The following ADCY8 variants were observed in gnomAD, a reference collection of about 807,000 sequenced individuals.
ADCY8 encodes the protein adenylate cyclase type 8.
ADCY8 carries 51 observed loss-of-function variants against 119.7 expected under a neutral mutation model. The ratio of observed to expected loss-of-function variants is 0.43; its 90% CI spans 0.34 to 0.54. The LOEUF (loss-of-function observed/expected upper bound fraction) is 0.54. Among genes scored for constraint, ADCY8 ranks in the 20% least tolerant of loss-of-function variants. ADCY8 has a pLI of 0.03. For synonymous variants in ADCY8, 665 were observed against 651.0 expected (o/e 1.02, Z -0.33); for missense variants, 1,383 against 1,598.8 (o/e 0.87, Z 2.30).
intron 9 of ADCY8, among the ~76,000 whole-genome samples, chr8:130,859,787 C>A (rs895580912): frequency 6.6e-5 from 10 of 152,192 alleles, no homozygotes; most frequent in Admixed American, 6.5e-4. Context: ...TGCTGGACTT[C>A]ATCTCTTTTA....
chr8:130,831,524 G>C (rs541513720), intron 12 of ADCY8, among the ~76,000 whole-genome samples: 6 of 152,292 alleles, frequency 3.9e-5, no homozygotes, highest in Non-Finnish European at 7.4e-5. Flanking sequence ...ATCATTCAGG[G>C]AGATGGACAT....
chr8:130,875,100 G>A (rs1455180065), intron 8 of ADCY8, among the ~76,000 whole-genome samples: 1 of 152,124 alleles, frequency 6.6e-6, no homozygotes, highest in Non-Finnish European at 1.5e-5. Flanking sequence ...TAATTGATCT[G>A]ATTAAAAAAT....
chr8:130,848,327 G>C (rs911279960), intron 10 of ADCY8, among the ~76,000 whole-genome samples: 5 of 152,174 alleles, frequency 3.3e-5, no homozygotes, highest in Admixed American at 1.3e-4. Context: ...TATCTAATTT[G>C]TTATCAAGAC....
Position 130,990,482 on chromosome 8 carries a change from G to A in ADCY8, c.1021C>T (p.Leu341=). Residue 341 remains leucine, a synonymous_variant, in exon 2 of 18, where the codon CTG becomes TTG. Transcript: ENST00000286355. ...GCTTGGCGCTGGGCCCGGTCTGACA[G>A]GTAACTGATGAAGATTCCAGCTGTG... The part of the protein sequence containing the change: ...MNTAGIFISY[L]SDRAQRQAFL... 5 of 1,614,194 alleles carry A rather than the reference G, an allele frequency of 3.1e-6. No homozygotes were observed. The highest frequency in any genetic ancestry group is 4.2e-6 in the Non-Finnish European group (5 of 1,180,008).
chr8:130,799,766 G>C (rs1314417218), intron 15 of ADCY8, among the ~76,000 whole-genome samples: 1 of 152,216 alleles, frequency 6.6e-6, no homozygotes, highest in East Asian at 1.9e-4. Flanking sequence ...TCTGGAGTTA[G>C]GCAGGGATTT....
chr8:130,993,094 A>G (rs1337693403), intron 1 of ADCY8, among the ~76,000 whole-genome samples: 3 of 152,198 alleles, frequency 2.0e-5, no homozygotes, highest in South Asian at 4.1e-4. Flanking sequence ...TTTGTAAAAT[A>G]TAGTCCTAAA....
In ADCY8 at chr8:130,787,852, T is replaced by C. The variant is rs148266803; in HGVS notation, c.3061-2377A>G. ...TCCACATGTGTGCATTTGTGTGTAG[T>C]CATGCACATATATGTACATATGTGT... On this transcript the variant is annotated intron_variant, in intron 15 of 17. Transcript: ENST00000286355. 4.3e-3 allele frequency among the ~76,000 whole-genome samples: 652 copies of C among 152,180 alleles called. 21 individuals carry two copies. The highest frequency in any genetic ancestry group is 0.035 in the Admixed American group (542 of 15,288).
intron 2 of ADCY8, among the ~76,000 whole-genome samples, chr8:130,979,396 G>A (rs1436626227): frequency 6.6e-6 from 1 of 152,158 alleles, no homozygotes; most frequent in Non-Finnish European, 1.5e-5. Context: ...CAGTCCTGTT[G>A]TGACAATTGT....
intron 9 of ADCY8, among the ~76,000 whole-genome samples, chr8:130,862,678 G>T (rs1413445066): frequency 6.6e-6 from 1 of 152,188 alleles, no homozygotes; most frequent in African/African-American, 2.4e-5. Flanking sequence ...CTCCCAAAGT[G>T]CTGGGATTAC....
At chr8:130,897,035 G>C (rs1016512190) in intron 7 of ADCY8, among the ~76,000 whole-genome samples, 29 of 152,030 alleles carry the variant, frequency 1.9e-4, no homozygotes, top group African/African-American at 7.0e-4. Context: ...GGTTGCCCAA[G>C]GTCTCTTAGT....
intron 6 of ADCY8, among the ~76,000 whole-genome samples, chr8:130,907,356 A>G (rs1457980839): frequency 6.6e-6 from 1 of 150,982 alleles, no homozygotes; most frequent in Non-Finnish European, 1.5e-5. Context: ...GAAGAAGACA[A>G]TAAAAAAGTG....
chr8:130,868,475 T>A (rs1336709198), intron 8 of ADCY8, among the ~76,000 whole-genome samples: 1 of 152,180 alleles, frequency 6.6e-6, no homozygotes, highest in African/African-American at 2.4e-5. Flanking sequence ...AATAGACCAA[T>A]ATGCTTGATG....
chr8:130,872,519 A>G (rs1201220578), intron 8 of ADCY8, among the ~76,000 whole-genome samples: 1 of 152,216 alleles, frequency 6.6e-6, no homozygotes, highest in Non-Finnish European at 1.5e-5. Context: ...TTTATGATAT[A>G]CAGAAAGGGA....
At chr8:130,951,639 G>C (rs920161239) in intron 3 of ADCY8, among the ~76,000 whole-genome samples, 1 of 152,186 alleles carries the variant, frequency 6.6e-6, no homozygotes, top group Non-Finnish European at 1.5e-5. Flanking sequence ...CTGTAGGAGA[G>C]CTAGGCAGTA....
At chr8:130,795,356 T>A (rs1815548033) in intron 15 of ADCY8, among the ~76,000 whole-genome samples, 1 of 152,176 alleles carries the variant, frequency 6.6e-6, no homozygotes, top group Non-Finnish European at 1.5e-5. Flanking sequence ...GTGGAACACC[T>A]TTTTCAAAAA....
At chr8:130,997,436 T>A (rs1822814693) in intron 1 of ADCY8, among the ~76,000 whole-genome samples, 1 of 152,140 alleles carries the variant, frequency 6.6e-6, no homozygotes, top group African/African-American at 2.4e-5. Context: ...GACCCTAGCA[T>A]TTGGGGCTTC....
At chr8:131,010,187 C>A (rs1586653263) in intron 1 of ADCY8, among the ~76,000 whole-genome samples, 1 of 152,160 alleles carries the variant, frequency 6.6e-6, no homozygotes, top group Non-Finnish European at 1.5e-5. Context: ...TATGGACTTT[C>A]TTATTTTAGG....
At chr8:130,783,580 T>G (rs1563662032) in intron 17 of ADCY8, 111 bp downstream of exon 17, 2 of 679,844 alleles carry the variant, frequency 2.9e-6, no homozygotes, top group Non-Finnish European at 5.1e-6. Flanking sequence ...ATGCTAGATC[T>G]ATTGCATTTT....
intron 7 of ADCY8, among the ~76,000 whole-genome samples, chr8:130,899,608 TAAA>T (rs60734293): frequency 2.5e-4 from 31 of 123,194 alleles, no homozygotes; most frequent in Non-Finnish European, 4.7e-4. Flanking sequence ...TCCATCTCAA[TAAA>T]AAAAAAAAAG....
Sources: gnomAD v4.1 joint callset for allele counts (sites outside exome capture counted in the v4.1 genomes callset) on GRCh38, gnomAD v4.1.1 for gene constraint, MANE v1.5 for transcripts, NCBI Gene and HGNC (gene_info 2026-07-23, HGNC 2026-07-21) for gene names.